Variants in SPI1 observed in about 807,000 individuals in gnomAD.
SPI1 encodes transcription factor PU.1.
In SPI1, 3 loss-of-function variants were observed where a neutral mutation model predicts 30.7. The ratio of observed to expected loss-of-function variants is 0.10; its 90% CI spans 0.04 to 0.25. The LOEUF (loss-of-function observed/expected upper bound fraction) is 0.25. Ranked by LOEUF, SPI1 falls within the 10% of genes least tolerant of loss-of-function variation. The probability of loss-of-function intolerance (pLI) is 1.00; values close to 1 mark genes in which losing one functional copy is unlikely to be tolerated. For missense variants in SPI1, 261 were observed against 371.5 expected (o/e 0.70, Z 2.45); for synonymous variants, 169 against 157.1 (o/e 1.08, Z -0.56).
At chr11:47,373,862 A>G (rs2095939052) in intron 2 of SPI1, among the ~76,000 whole-genome samples, 1 of 152,160 alleles carries the variant, frequency 6.6e-6, no homozygotes, top group South Asian at 2.1e-4. Flanking sequence ...CTGAGCCACG[A>G]AAACACATGC....
intron 2 of SPI1, among the ~76,000 whole-genome samples, chr11:47,373,148 C>T (rs1214707738): frequency 4.0e-5 from 6 of 151,296 alleles, no homozygotes; most frequent in African/African-American, 1.2e-4. Context: ...GTCAGGAGTT[C>T]GAGACCAGCC....
rs1262933051 is a variant in SPI1, at chr11:47,374,070, C to T, written c.142+1563G>A. Among the ~76,000 whole-genome samples the T allele has an allele frequency of 6.6e-6, 1 of 152,216 alleles. No homozygotes were observed. The highest frequency in any genetic ancestry group is 1.9e-4 in the East Asian group (1 of 5,198). On this transcript the variant is annotated intron_variant, in intron 2 of 4. Coordinates refer to ENST00000378538, the MANE Select transcript of SPI1 (RefSeq NM_003120.3). This position sits in a 1 kb window ranked among gnomAD's most constrained non-coding sequence, Gnocchi z 4.5. Reference sequence around the variant, plus strand: ...GTTGGAGGAGGCCTGACAGCACTGTCTGTGGTGACCCGAGCCACCAGGGGG... The same window carrying T: ...GTTGGAGGAGGCCTGACAGCACTGTTTGTGGTGACCCGAGCCACCAGGGGG...
Position 47,358,937 on chromosome 11 carries a change from C to G in SPI1, c.400G>C (p.Glu134Gln). The change falls in exon 4 of 5, where the codon GAG becomes CAG. Residue 134 changes from glutamate (E) to glutamine (Q), a missense_variant. By Grantham distance (29) the Glu-to-Gln change is conservative (BLOSUM62 2). This residue lies in a region of SPI1 where 106 missense variants were observed against 102.0 expected (regional missense o/e 1.04). Coordinates refer to ENST00000378538, the MANE Select transcript of SPI1 (RefSeq NM_003120.3). ...GGGGGGCTCTGCCGCTCGCCCTCCT[C>G]CTCATCTGAGCTGGGCTGGGCTGGG... ...LSPAQPSSDE[E>Q]EGERQSPPLE... 6.4e-7 allele frequency: 1 copy of G among 1,567,680 alleles called. No individual in the cohort carries two copies. Among genetic ancestry groups the G allele is most frequent in the Non-Finnish European group, 8.6e-7 (1 of 1,156,846 alleles).
rs1031185666 is a variant in SPI1 at position 47,355,040 on chromosome 11, C to G, written c.*187G>C. On this transcript the variant is annotated 3_prime_UTR_variant, in exon 5 of 5. Coordinates refer to ENST00000378538, the MANE Select transcript of SPI1 (RefSeq NM_003120.3). ...GGCGTCCGGGAGCCGGGGTGGAGTC[C>G]TGGAGGGAGGCGAAGCGGGATGTGG... 6 of 344,606 alleles carry G rather than the reference C, an allele frequency of 1.7e-5. No homozygotes were observed. Among genetic ancestry groups the G allele is most frequent in the Non-Finnish European group, 2.7e-5 (6 of 219,612 alleles). 21.3% of individuals were successfully genotyped at this position (344,606 alleles called of 1,614,324 possible).
chr11:47,357,104 TTCACACCCACTCACATGCTCACACC>T (rs1172917292), intron 4 of SPI1, among the ~76,000 whole-genome samples: 1 of 145,914 alleles, frequency 6.9e-6, no homozygotes, highest in Non-Finnish European at 1.5e-5. Context: ...ACCTCACACA[TTCACACCCACTCACATGCTCACACC>T]TCACACATGC....
At position 47,378,343 on chromosome 11, in the gene SPI1, G is replaced by A. The variant is rs1273802112; in HGVS notation, c.11C>T (p.Ala4Val). MLQ[A>V]CKMEGFPLVP... is the part of the protein sequence containing the mutation. The stretch of plus-strand genomic sequence containing the variant: ...GAGGGGAAACCCTTCCATTTTGCAC[G>A]CCTGTAACATCCAGCCGGGCTCCGA... Residue 4 changes from alanine to valine, a missense_variant, in exon 1 of 5, where the codon GCG becomes GTG. Transcript: ENST00000378538. 6.2e-7 allele frequency: 1 copy of A among 1,613,576 alleles called. No individual in the cohort carries two copies. Among genetic ancestry groups the A allele is most frequent in the Non-Finnish European group, 8.5e-7 (1 of 1,179,790 alleles).
rs1426206482 is a variant in SPI1, at chr11:47,374,093, G to A, written c.142+1540C>T. ...GTCTGTGGTGACCCGAGCCACCAGG[G>A]GGCGCCTGTCCCAGGGCCCAGCGGG... On this transcript the variant is annotated intron_variant, in intron 2 of 4. Coordinates refer to ENST00000378538, the MANE Select transcript of SPI1 (RefSeq NM_003120.3). This position sits in a 1 kb window ranked among gnomAD's most constrained non-coding sequence, Gnocchi z 4.5. Among the ~76,000 whole-genome samples the A allele has an allele frequency of 6.6e-6, 1 of 152,190 alleles. No homozygotes were observed. The highest frequency in any genetic ancestry group is 1.5e-5 in the Non-Finnish European group (1 of 68,026).
At position 47,355,511 on chromosome 11, in the gene SPI1, A is replaced by G. The variant is rs1595853085; in HGVS notation, c.529T>C (p.Leu177=). The change falls in exon 5 of 5, where the codon TTG becomes CTG. Residue 177 remains leucine, a synonymous_variant. Coordinates refer to ENST00000378538, the MANE Select transcript of SPI1 (RefSeq NM_003120.3). The part of the protein sequence containing the change: ...KKKIRLYQFL[L]DLLRSGDMKD... ...ATGTCGCCGCTGCGGAGCAGGTCCA[A>G]CAGGAACTGGTACAGGCGGATCTTC... 6.2e-7 allele frequency: 1 copy of G among 1,607,056 alleles called. No homozygotes were observed. Among genetic ancestry groups the G allele is most frequent in the East Asian group, 2.3e-5 (1 of 44,204 alleles).
At chr11:47,360,178 C>G in intron 2 of SPI1, 138 bp from the exon 3 acceptor site, 1 of 735,978 alleles carries the variant, frequency 1.4e-6, no homozygotes, top group East Asian at 2.9e-5. Context: ...TGCATGGTTA[C>G]TCTAGGCCTG....
intron 4 of SPI1, among the ~76,000 whole-genome samples, 163 bp from the exon 5 acceptor site, chr11:47,355,709 C>G (rs1191590350): frequency 1.3e-5 from 2 of 151,764 alleles, no homozygotes; most frequent in Non-Finnish European, 2.9e-5. Flanking sequence ...CACCCACACT[C>G]ACACACACAC....
In SPI1 at chr11:47,355,332, G is replaced by C; in HGVS notation, c.708C>G (p.Gly236=). Residue 236 remains glycine, a synonymous_variant, in exon 5 of 5, where the codon GGC becomes GGG. Coordinates refer to ENST00000378538, the MANE Select transcript of SPI1 (RefSeq NM_003120.3). ...TCACCTTCTTGACCTCGCCCGTCTT[G>C]CCGTAGTTGCGCAGCGCGCGCGCCA... is the stretch of plus-strand genomic sequence containing the variant. ...QKMARALRNY[G]KTGEVKKVKK... 2 of 1,612,882 alleles carry C rather than the reference G, an allele frequency of 1.2e-6. No homozygotes were observed. The highest frequency in any genetic ancestry group is 1.7e-6 in the Non-Finnish European group (2 of 1,179,468).
chr11:47,357,010 TCACA>T (rs572956151), intron 4 of SPI1, among the ~76,000 whole-genome samples: 1 of 148,096 alleles, frequency 6.8e-6, no homozygotes, highest in African/African-American at 2.5e-5. Context: ...ACACACTTCC[TCACA>T]CACCTCACAC....
rs530665755 is a variant in SPI1, at chr11:47,357,435, C to T, written c.493+1409G>A. ...CATATCCACTTGCATGCTTACACGC[C>T]TGTTCACACACAACCACTCAGACAC... On this transcript the variant is annotated intron_variant, in intron 4 of 4. Coordinates refer to ENST00000378538, the MANE Select transcript of SPI1 (RefSeq NM_003120.3). Among the ~76,000 whole-genome samples, 5 of 152,188 alleles carry T rather than the reference C, an allele frequency of 3.3e-5. No individual in the cohort carries two copies. The South Asian group carries it at 6.2e-4, about 19-fold the overall frequency.
chr11:47,373,242 C>G (rs2095938181), intron 2 of SPI1, among the ~76,000 whole-genome samples: 2 of 152,064 alleles, frequency 1.3e-5, no homozygotes, highest in South Asian at 2.1e-4. Context: ...ATCCTAGCTA[C>G]TTGGGAGGCT....
intron 4 of SPI1, chr11:47,358,591 A>C: frequency 1.4e-6 from 1 of 703,802 alleles, no homozygotes; most frequent in South Asian, 1.5e-5. Context: ...ACCCAGATGT[A>C]CACACACTCA....
At position 47,359,973 on chromosome 11, in the gene SPI1, G is replaced by A. The variant is rs959342600; in HGVS notation, c.210C>T (p.Phe70=). 2 of 1,609,644 alleles carry A rather than the reference G, an allele frequency of 1.2e-6. No homozygotes were observed. The highest frequency in any genetic ancestry group is 2.7e-5 in the African/African-American group (2 of 74,858). Residue 70 remains phenylalanine (F), a synonymous_variant, in exon 3 of 5, where the codon TTC becomes TTT. Coordinates refer to ENST00000378538, the MANE Select transcript of SPI1 (RefSeq NM_003120.3). The surrounding 1 kb of genome is among the most constrained non-coding windows in gnomAD (Gnocchi z 5.1). ...SEFESFAENN[F]TELQSVQPPQ... ...GGGGCTGCACGCTCTGGAGCTCCGTGAAGTTGTTCTCGGCGAAGCTCTCGA... is the reference window on the plus strand; with the variant it reads ...GGGGCTGCACGCTCTGGAGCTCCGTAAAGTTGTTCTCGGCGAAGCTCTCGA...
rs1455960760 is a variant in SPI1, at chr11:47,371,130, G to T, written c.142+4503C>A. Among the ~76,000 whole-genome samples the T allele has an allele frequency of 5.9e-5, 9 of 152,100 alleles. No homozygotes were observed. In the South Asian group the frequency reaches 8.3e-4, roughly 14 times the overall value. Reference sequence around the variant, plus strand: ...AATCCCAGCACTTTGGGAGGCCAAGGCGGGTGGATCACAACGTCAGGAGAT... The same window carrying T: ...AATCCCAGCACTTTGGGAGGCCAAGTCGGGTGGATCACAACGTCAGGAGAT... On this transcript the variant is annotated intron_variant, in intron 2 of 4. Coordinates refer to ENST00000378538, the MANE Select transcript of SPI1 (RefSeq NM_003120.3).
At chr11:47,357,087 T>G (rs748756015) in intron 4 of SPI1, among the ~76,000 whole-genome samples, 5 of 149,668 alleles carry the variant, frequency 3.3e-5, no homozygotes, top group Non-Finnish European at 7.4e-5. Context: ...ACTTCACACA[T>G]GCTAACACCT....
chr11:47,357,460 CCTA>C (rs1262980862), intron 4 of SPI1, among the ~76,000 whole-genome samples: 7 of 152,192 alleles, frequency 4.6e-5, no homozygotes, highest in South Asian at 4.1e-4. Context: ...CACTCAGACA[CCTA>C]CTTGCACACT....
Sources: gnomAD v4.1 joint callset for allele counts (sites outside exome capture counted in the v4.1 genomes callset) on GRCh38, gnomAD v4.1.1 for gene constraint, gnomAD v4.1.1 regional missense constraint, Gnocchi (gnomAD v3.1) non-coding constraint, MANE v1.5 for transcripts, NCBI Gene and HGNC (gene_info 2026-07-23, HGNC 2026-07-21) for gene names.